Variants in KCND2 observed in about 807,000 individuals in gnomAD.
The protein encoded by KCND2 is A-type voltage-gated potassium channel KCND2.
A neutral mutation model predicts 54.4 loss-of-function variants in KCND2; 16 were observed. The observed-to-expected ratio is 0.29, with a 90% CI of 0.20 to 0.45. KCND2 has a LOEUF of 0.45. Ranked by LOEUF, KCND2 falls within the 20% of genes least tolerant of loss-of-function variation. The pLI, the probability that KCND2 is intolerant of heterozygous loss-of-function variation, is 1.00. For missense variants in KCND2, 486 were observed against 824.2 expected, an observed-to-expected ratio of 0.59 and a Z score of 5.02; for synonymous variants, 317 against 310.7, an observed-to-expected ratio of 1.02 and a Z score of -0.21.
chr7:120,419,246 G>A (rs1584770997), intron 1 of KCND2, among the ~76,000 whole-genome samples: 2 of 151,922 alleles, frequency 1.3e-5, no homozygotes, highest in South Asian at 2.1e-4. Flanking sequence ...AGGAAGGGGC[G>A]GCTTTATCCT....
chr7:120,621,774 G>A (rs967859737), intron 1 of KCND2, among the ~76,000 whole-genome samples: 9 of 152,064 alleles, frequency 5.9e-5, no homozygotes, highest in Admixed American at 2.6e-4. Flanking sequence ...AACATTGCGC[G>A]TGTGAGAAGA....
chr7:120,678,424 C>G (rs1377810023), intron 1 of KCND2, among the ~76,000 whole-genome samples: 1 of 139,748 alleles, frequency 7.2e-6, no homozygotes, highest in Non-Finnish European at 1.5e-5. Context: ...CACATACACA[C>G]ATATATATAC....
intron 1 of KCND2, among the ~76,000 whole-genome samples, chr7:120,690,480 C>G (rs990211329): frequency 1.1e-4 from 16 of 152,160 alleles, no homozygotes; most frequent in African/African-American, 3.6e-4. Context: ...CACAGACATG[C>G]TGAGGTCAGC....
rs924858132 is a variant in KCND2, at chr7:120,487,949, G to C, written c.1115+212202G>C. The stretch of plus-strand genomic sequence containing the variant: ...TAACCCTAGCACTTTGGGAGGCCCA[G>C]GCAGGCAGATCGCTTGTGCCCAGGA... On this transcript the variant is annotated intron_variant, in intron 1 of 5. Coordinates refer to ENST00000331113, the MANE Select transcript of KCND2 (RefSeq NM_012281.3). Among the ~76,000 whole-genome samples, 5 of 152,142 alleles carry C rather than the reference G, an allele frequency of 3.3e-5. 1 individual carries two copies. In the South Asian group the frequency reaches 1.0e-3, roughly 32 times the overall value.
chr7:120,743,894 G>A (rs1271241315), intron 4 of KCND2, among the ~76,000 whole-genome samples: 2 of 152,208 alleles, frequency 1.3e-5, no homozygotes, highest in African/African-American at 4.8e-5. Context: ...GATTATACTT[G>A]CATTTTTAAA....
At chr7:120,454,286 A>G (rs1173893489) in intron 1 of KCND2, among the ~76,000 whole-genome samples, 1 of 152,144 alleles carries the variant, frequency 6.6e-6, no homozygotes, top group Non-Finnish European at 1.5e-5. Context: ...ATTTAAAATA[A>G]TAAATATGAT....
At chr7:120,536,531 C>T (rs766990507) in intron 1 of KCND2, among the ~76,000 whole-genome samples, 1 of 152,162 alleles carries the variant, frequency 6.6e-6, no homozygotes, top group Non-Finnish European at 1.5e-5. Flanking sequence ...TCAATCTTCT[C>T]ATACCCTGCA....
intron 1 of KCND2, among the ~76,000 whole-genome samples, chr7:120,613,775 G>A (rs1446698853): frequency 1.3e-5 from 2 of 151,888 alleles, no homozygotes; most frequent in East Asian, 1.9e-4. Flanking sequence ...GTATTTTCTT[G>A]ATTGTTAAGA....
chr7:120,335,518 G>A (rs924170353), intron 1 of KCND2, among the ~76,000 whole-genome samples: 1 of 145,016 alleles, frequency 6.9e-6, no homozygotes, highest in Non-Finnish European at 1.5e-5. Flanking sequence ...ACAGAGTCTC[G>A]CTCTGTCGCC....
At chr7:120,347,988 G>C (rs2116377815) in intron 1 of KCND2, among the ~76,000 whole-genome samples, 1 of 152,138 alleles carries the variant, frequency 6.6e-6, no homozygotes, top group African/African-American at 2.4e-5. Context: ...GAACTCTCTG[G>C]GATCTCTTTC....
chr7:120,585,192 A>T (rs1792577226), intron 1 of KCND2, among the ~76,000 whole-genome samples: 1 of 150,562 alleles, frequency 6.6e-6, no homozygotes, highest in Non-Finnish European at 1.5e-5. Context: ...TTTTTTTTTT[A>T]AAGAAAATCT....
intron 1 of KCND2, among the ~76,000 whole-genome samples, chr7:120,441,639 A>G (rs969142328): frequency 6.6e-6 from 1 of 152,138 alleles, no homozygotes; most frequent in African/African-American, 2.4e-5. Flanking sequence ...ACTCTCTTTT[A>G]TGTAACATGC....
intron 1 of KCND2, among the ~76,000 whole-genome samples, chr7:120,469,415 G>A (rs1802422690): frequency 6.6e-6 from 1 of 151,994 alleles, no homozygotes; most frequent in Non-Finnish European, 1.5e-5. Context: ...GTAGATGCAC[G>A]GATTTTTAGC....
intron 1 of KCND2, among the ~76,000 whole-genome samples, chr7:120,572,515 G>A (rs1425873359): frequency 2.0e-5 from 3 of 151,142 alleles, no homozygotes; most frequent in Non-Finnish European, 4.4e-5. Context: ...GAGAAAGTGT[G>A]AACATAATAT....
At chr7:120,453,861 C>T (rs529049867) in intron 1 of KCND2, among the ~76,000 whole-genome samples, 4 of 152,150 alleles carry the variant, frequency 2.6e-5, no homozygotes, top group South Asian at 2.1e-4. Flanking sequence ...CCAAGGTGGG[C>T]GGATCATGAG....
intron 1 of KCND2, among the ~76,000 whole-genome samples, chr7:120,457,659 T>A (rs1345962935): frequency 6.6e-6 from 1 of 152,238 alleles, no homozygotes. Flanking sequence ...CTTTCCTACA[T>A]CTTCCTGTCT....
intron 1 of KCND2, among the ~76,000 whole-genome samples, chr7:120,384,728 T>C (rs1226288934): frequency 1.3e-5 from 2 of 152,120 alleles, no homozygotes; most frequent in African/African-American, 4.8e-5. Flanking sequence ...CCCTCAACTA[T>C]TTTGAAGGAA....
intron 1 of KCND2, among the ~76,000 whole-genome samples, chr7:120,496,859 G>A (rs556867018): frequency 1.3e-5 from 2 of 152,198 alleles, no homozygotes; most frequent in Admixed American, 6.5e-5. Context: ...AAAGATTCTA[G>A]CTTTCCCAAG....
At chr7:120,740,482 A>C (rs1285740724) in intron 2 of KCND2, among the ~76,000 whole-genome samples, 2 of 152,096 alleles carry the variant, frequency 1.3e-5, no homozygotes. Context: ...TTTTACATAC[A>C]CTTGCTAGCT....
Sources: gnomAD v4.1 joint callset for allele counts (sites outside exome capture counted in the v4.1 genomes callset) on GRCh38, gnomAD v4.1.1 for gene constraint, MANE v1.5 for transcripts, NCBI Gene and HGNC (gene_info 2026-07-23, HGNC 2026-07-21) for gene names.